The following GSS variants were observed in gnomAD, a reference collection of about 807,000 sequenced individuals.
GSS encodes the protein GSH synthetase.
GSS carries 34 observed loss-of-function variants against 60.4 expected under a neutral mutation model. The ratio of observed to expected loss-of-function variants is 0.56; its 90% CI spans 0.43 to 0.75. GSS has a LOEUF of 0.75. Among genes scored for constraint, GSS ranks in the 30% least tolerant of loss-of-function variants. The probability of loss-of-function intolerance (pLI) is 0.00; values close to 1 mark genes in which losing one functional copy is unlikely to be tolerated. For synonymous variants in GSS, 224 were observed against 239.0 expected (o/e 0.94, Z 0.58); for missense variants, 499 against 595.1 (o/e 0.84, Z 1.68).
chr20:34,941,931 G>GCACT (rs2081486258), intron 5 of GSS, 102 bp from the exon 6 acceptor site: 1 of 764,068 alleles, frequency 1.3e-6, no homozygotes, highest in African/African-American at 1.7e-5. Context: ...AATCAGCTGA[G>GCACT]CACTAAAAAG....
chr20:34,951,839 C>G lies in GSS; in HGVS notation c.14G>C (p.Trp5Ser), dbSNP rs1196147286. The change falls in exon 2 of 13, where the codon TGG (tryptophan) becomes TCG (serine). Residue 5 changes from tryptophan to serine, a missense_variant. By Grantham distance (177) the Trp-to-Ser change is radical (BLOSUM62 -3). Coordinates refer to ENST00000651619, the MANE Select transcript of GSS (RefSeq NM_000178.4). MATN[W>S]GSLLQDKQQL... is the part of the protein sequence containing the mutation. ...CTGTTTATCCTGCAAGAGGCTCCCC[C>G]AGTTGGTGGCCATCCCAACACCTGC... 1.2e-6 allele frequency: 2 copies of G among 1,614,076 alleles called. No individual in the cohort carries two copies. The highest frequency in any genetic ancestry group is 1.7e-6 in the Non-Finnish European group (2 of 1,180,048).
rs761895679 is a variant in GSS, at chr20:34,946,106, CAAG to C, written c.130-11_130-9del. 6.2e-7 allele frequency: 1 copy of C among 1,605,854 alleles called. No homozygotes were observed. Among genetic ancestry groups the C allele is most frequent in the Admixed American group, 1.7e-5 (1 of 59,828 alleles). On this transcript the variant is annotated splice_polypyrimidine_tract_variant and intron_variant, in intron 2 of 12. Coordinates refer to ENST00000651619, the MANE Select transcript of GSS (RefSeq NM_000178.4). Reference sequence around the variant, plus strand: ...TGGGGCATAGCTCACCACCTGTGATCAAGAAGAGAGAATGGGACAGGGGTAGGG... The same window carrying C: ...TGGGGCATAGCTCACCACCTGTGATCAAGAGAGAATGGGACAGGGGTAGGG...
At chr20:34,936,880 T>C (rs2147125587) in intron 7 of GSS, 40 bp from the exon 8 acceptor site, 1 of 1,605,842 alleles carries the variant, frequency 6.2e-7, no homozygotes, top group Non-Finnish European at 8.5e-7. Flanking sequence ...ATGGATGCTA[T>C]GTTCTGAGTG....
At chr20:34,935,999 AC>A (rs1470378011) in intron 8 of GSS, among the ~76,000 whole-genome samples, 1 of 152,246 alleles carries the variant, frequency 6.6e-6, no homozygotes, top group Non-Finnish European at 1.5e-5. Context: ...AGTAAAACAC[AC>A]TTTATATTTC....
intron 2 of GSS, chr20:34,949,901 G>A (rs1038896802): frequency 1.3e-5 from 2 of 152,050 alleles, no homozygotes; most frequent in African/African-American, 4.8e-5. Context: ...AGGAGCCCCA[G>A]AGGCTAGGGC....
chr20:34,942,625 A>G lies in GSS; in HGVS notation c.354T>C (p.Thr118=), dbSNP rs1031239927. ...KQVLKEGIAQ[T]VFLGLNRSDY... ...CTGAGCGATTCAGGCCCAGGAACAC[A>G]GTCTGTGGGGAAAACTGAAGGCTGA... The change falls in exon 5 of 13, where the codon ACT becomes ACC. Residue 118 remains threonine, a splice_region_variant and synonymous_variant. Coordinates refer to ENST00000651619, the MANE Select transcript of GSS (RefSeq NM_000178.4). 6.2e-6 allele frequency: 10 copies of G among 1,613,932 alleles called. No homozygotes were observed. Among genetic ancestry groups the G allele is most frequent in the Non-Finnish European group, 7.6e-6 (9 of 1,179,978 alleles).
intron 2 of GSS, among the ~76,000 whole-genome samples, chr20:34,947,043 TA>T (rs1286336078): frequency 6.6e-6 from 1 of 152,204 alleles, no homozygotes; most frequent in Non-Finnish European, 1.5e-5. Context: ...TATGGTGGTA[TA>T]AGTTTACGGT....
At chr20:34,951,113 G>C (rs1371890773) in intron 2 of GSS, among the ~76,000 whole-genome samples, 5 of 152,110 alleles carry the variant, frequency 3.3e-5, no homozygotes, top group African/African-American at 1.2e-4. Flanking sequence ...AAATAGACAT[G>C]AGTAGAGGGA....
intron 1 of GSS, among the ~76,000 whole-genome samples, chr20:34,953,858 C>T (rs1347851540): frequency 6.6e-6 from 1 of 152,174 alleles, no homozygotes; most frequent in African/African-American, 2.4e-5. Flanking sequence ...CCCCCACTCT[C>T]GGCCTCCCAA....
chr20:34,936,560 T>C (rs754389968), intron 8 of GSS, among the ~76,000 whole-genome samples: 85 of 152,362 alleles, frequency 5.6e-4, no homozygotes, highest in Non-Finnish European at 1.0e-3. Context: ...AAGGAGACCC[T>C]GATCCAGAAT....
intron 3 of GSS, among the ~76,000 whole-genome samples, chr20:34,945,086 T>C (rs1233579232): frequency 6.6e-6 from 1 of 151,766 alleles, no homozygotes; most frequent in Non-Finnish European, 1.5e-5. Flanking sequence ...AGTGTCGTGA[T>C]CTTGGCTTAC....
At chr20:34,939,430 C>T (rs753117173) in intron 6 of GSS, among the ~76,000 whole-genome samples, 6 of 151,968 alleles carry the variant, frequency 3.9e-5, no homozygotes, top group East Asian at 1.9e-4. Flanking sequence ...AGATAATTGA[C>T]GAAAATTAAT....
At chr20:34,951,598 A>G (rs1160484628) in intron 2 of GSS, 126 bp downstream of exon 2, 5 of 1,053,736 alleles carry the variant, frequency 4.7e-6, no homozygotes, top group Non-Finnish European at 6.9e-6. Flanking sequence ...CTAGAGATCA[A>G]TTTTAGTTAC....
Position 34,928,808 on chromosome 20 carries a change from C to G in GSS, c.*20G>C, listed in dbSNP as rs765434534. The G allele has an allele frequency of 1.4e-4, 218 of 1,613,850 alleles. No individual in the cohort carries two copies. The highest frequency in any genetic ancestry group is 1.8e-4 in the Non-Finnish European group (213 of 1,179,894). On this transcript the variant is annotated 3_prime_UTR_variant, in exon 13 of 13. Transcript: ENST00000651619. ...ATGACAAATACAGAGGATAGAAGGTCCCGTGGCCTGGTTGTGCCCTCACAC... is the reference window on the plus strand; with the variant it reads ...ATGACAAATACAGAGGATAGAAGGTGCCGTGGCCTGGTTGTGCCCTCACAC...
chr20:34,936,893 C>A, intron 7 of GSS, 50 bp downstream of exon 7: 1 of 1,603,622 alleles, frequency 6.2e-7, no homozygotes, highest in Non-Finnish European at 8.5e-7. Flanking sequence ...TCTGAGTGCC[C>A]CACCCCTAAT....
chr20:34,945,914 T>G (rs1336086235), intron 3 of GSS, 39 bp downstream of exon 3: 1 of 1,609,866 alleles, frequency 6.2e-7, no homozygotes, highest in South Asian at 1.1e-5. Flanking sequence ...TCCTTGGCTC[T>G]GGCAGCTCCT....
In GSS at chr20:34,951,744, G is replaced by A; in HGVS notation, c.109C>T (p.Gln37Ter). Residue 37 changes from glutamine (Q) to a stop codon, truncating the protein, a stop_gained, in exon 2 of 13, where the codon CAG becomes TAG. Transcript: ENST00000651619. LOFTEE classifies it high-confidence loss of function. The part of the protein sequence containing the change: ...LAEGVLLRTS[Q>*]EPTSSEVVSY... ...CTTACCTCCGAGGAAGTGGGCTCCT[G>A]TGAGGTCCTCAGCAATACTCCCTCA... 1 of 1,610,830 alleles carries A rather than the reference G, an allele frequency of 6.2e-7. No individual in the cohort carries two copies. Among genetic ancestry groups the A allele is most frequent in the East Asian group, 2.2e-5 (1 of 44,818 alleles).
intron 2 of GSS, among the ~76,000 whole-genome samples, chr20:34,950,525 G>C (rs918656890): frequency 6.6e-6 from 1 of 152,024 alleles, no homozygotes; most frequent in Non-Finnish European, 1.5e-5. Flanking sequence ...AGCAATTTTG[G>C]GGGGCAGAGG....
intron 6 of GSS, among the ~76,000 whole-genome samples, chr20:34,937,382 A>G (rs566294196): frequency 5.1e-4 from 77 of 152,348 alleles, no homozygotes; most frequent in African/African-American, 1.8e-3. Flanking sequence ...AGAACTTAAC[A>G]TAATTCTAAA....
Sources: allele counts gnomAD v4.1 joint callset (sites outside exome capture counted in the v4.1 genomes callset), GRCh38; gene constraint gnomAD v4.1.1; transcripts MANE v1.5; gene names NCBI Gene and HGNC (gene_info 2026-07-23, HGNC 2026-07-21).